ATP10B: variants seen among roughly 807,000 people sequenced by gnomAD.
ATP10B encodes ATPase phospholipid transporting 10B (putative).
ATP10B carries 122 observed loss-of-function variants against 141.2 expected under a neutral mutation model. That is an observed-to-expected ratio of 0.86 (90% CI 0.75 to 1.00). The LOEUF (loss-of-function observed/expected upper bound fraction) is 1.00. Ranked by LOEUF, ATP10B falls within the 50% of genes least tolerant of loss-of-function variation. The pLI is 0.00. For missense variants in ATP10B, 1,876 were observed against 1,825.3 expected (o/e 1.03, Z -0.51); for synonymous variants, 685 against 692.0 (o/e 0.99, Z 0.16).
At chr5:160,922,655 A>G in the ATP10B span, among the ~76,000 whole-genome samples, 1 of 152,234 alleles carries the variant, frequency 6.6e-6, no homozygotes, top group Non-Finnish European at 1.5e-5. Context: ...CAAACCAAAC[A>G]AAAACCAATC....
chr5:160,787,295 G>A (rs1219060027), intron 1 of ATP10B, among the ~76,000 whole-genome samples: 1 of 152,166 alleles, frequency 6.6e-6, no homozygotes, highest in Non-Finnish European at 1.5e-5. Context: ...TGTCTACAGG[G>A]TTCAGGCAGG....
chr5:160,693,097 T>C (rs1191775724), intron 3 of ATP10B, among the ~76,000 whole-genome samples: 1 of 151,984 alleles, frequency 6.6e-6, no homozygotes. Context: ...TTTTCAAGTG[T>C]AAATGGTCAA....
At chr5:160,882,606 C>A in the ATP10B span, among the ~76,000 whole-genome samples, 3 of 150,454 alleles carry the variant, frequency 2.0e-5, no homozygotes, top group African/African-American at 7.3e-5. Context: ...ATAAAAAAGT[C>A]ATGATTTCTT....
intron 1 of ATP10B, among the ~76,000 whole-genome samples, chr5:160,850,198 G>C (rs1285931830): frequency 6.6e-6 from 1 of 152,032 alleles, no homozygotes; most frequent in East Asian, 1.9e-4. Context: ...CTGAGGTCAG[G>C]AGTTCGAGAC....
chr5:160,656,770 T>C (rs140209725), intron 7 of ATP10B, among the ~76,000 whole-genome samples: 23 of 152,292 alleles, frequency 1.5e-4, no homozygotes, highest in African/African-American at 5.3e-4. Context: ...TTAGACCACT[T>C]TGAAATCCCT....
chr5:160,673,131 C>T (rs144184220), intron 6 of ATP10B, among the ~76,000 whole-genome samples: 1 of 152,202 alleles, frequency 6.6e-6, no homozygotes, highest in East Asian at 1.9e-4. Flanking sequence ...ACTATTGAGA[C>T]CCCTTCTGAG....
chr5:160,590,982 C>T (rs1756248481), intron 23 of ATP10B, 77 bp downstream of exon 23: 10 of 1,266,544 alleles, frequency 7.9e-6, no homozygotes, highest in Non-Finnish European at 1.1e-5. Flanking sequence ...AAGGACACTA[C>T]TGGTCTGGAA....
Position 160,603,712 on chromosome 5 carries a change from C to T in ATP10B, c.3237+253G>A, listed in dbSNP as rs1315779580. On this transcript the variant is annotated intron_variant, in intron 20 of 25. Transcript: ENST00000327245. Reference sequence around the variant, plus strand: ...ACAATTGTTAATGGCTCAAAACCCACAAAATGTCTGTTTAAATGGGAAAAT... The same window carrying T: ...ACAATTGTTAATGGCTCAAAACCCATAAAATGTCTGTTTAAATGGGAAAAT... 2.1e-5 allele frequency: 10 copies of T among 486,468 alleles called. No homozygotes were observed. In the East Asian group the frequency reaches 2.3e-4, roughly 11 times the overall value. 30.1% of individuals were successfully genotyped at this position (486,468 alleles called of 1,614,324 possible).
At chr5:160,885,333 G>C in the ATP10B span, among the ~76,000 whole-genome samples, 4 of 152,210 alleles carry the variant, frequency 2.6e-5, no homozygotes, top group Non-Finnish European at 2.9e-5. Flanking sequence ...GGCCCAGATG[G>C]GGAATGTGAA....
intron 7 of ATP10B, among the ~76,000 whole-genome samples, chr5:160,668,323 A>G (rs946067175): frequency 6.7e-6 from 1 of 149,472 alleles, no homozygotes; most frequent in African/African-American, 2.5e-5. Flanking sequence ...ACTCATTCAC[A>G]CGCATATACA....
At chr5:160,646,059 T>C (rs1262413858) in intron 8 of ATP10B, among the ~76,000 whole-genome samples, 1 of 152,206 alleles carries the variant, frequency 6.6e-6, no homozygotes, top group African/African-American at 2.4e-5. Context: ...GTCTGGGAAG[T>C]TAGTAGGATG....
chr5:160,753,148 C>T (rs1768279363), intron 2 of ATP10B, among the ~76,000 whole-genome samples: 1 of 152,160 alleles, frequency 6.6e-6, no homozygotes, highest in Non-Finnish European at 1.5e-5. Context: ...GGACCATTTT[C>T]TGAAGGAAAA....
intron 1 of ATP10B, among the ~76,000 whole-genome samples, chr5:160,825,765 C>T (rs1017248513): frequency 1.3e-5 from 2 of 152,092 alleles, no homozygotes; most frequent in African/African-American, 2.4e-5. Context: ...GAGCATAGTA[C>T]CCAATAGGTT....
intron 24 of ATP10B, among the ~76,000 whole-genome samples, chr5:160,578,043 T>C (rs1373190183): frequency 6.6e-6 from 1 of 152,160 alleles, no homozygotes; most frequent in East Asian, 1.9e-4. Context: ...TTTTGCTGGA[T>C]GAAAAAAATC....
At chr5:160,833,607 A>G (rs1775238110) in intron 1 of ATP10B, among the ~76,000 whole-genome samples, 1 of 152,194 alleles carries the variant, frequency 6.6e-6, no homozygotes. Flanking sequence ...AAAATAGTCA[A>G]TTGTAGAAGT....
At chr5:160,601,622 A>G in intron 21 of ATP10B, among the ~76,000 whole-genome samples, 1 of 152,134 alleles carries the variant, frequency 6.6e-6, no homozygotes, top group East Asian at 1.9e-4. Flanking sequence ...AGAATACACA[A>G]CTTATTGTTT....
chr5:160,922,811 A>G, the ATP10B span, among the ~76,000 whole-genome samples: 1 of 151,936 alleles, frequency 6.6e-6, no homozygotes, highest in Non-Finnish European at 1.5e-5. Flanking sequence ...AGATCCTTGC[A>G]CTCTCGGGCT....
At chr5:160,880,972 C>T in the ATP10B span, among the ~76,000 whole-genome samples, 27 of 152,092 alleles carry the variant, frequency 1.8e-4, no homozygotes, top group East Asian at 4.1e-3. Flanking sequence ...TTCTGCTCTC[C>T]GAAAGACAAC....
At chr5:160,777,978 A>T (rs1770456413) in intron 2 of ATP10B, among the ~76,000 whole-genome samples, 1 of 152,156 alleles carries the variant, frequency 6.6e-6, no homozygotes, top group African/African-American at 2.4e-5. Flanking sequence ...TAGGTTATAA[A>T]AAAAATAAGG....
Sources: allele counts gnomAD v4.1 joint callset (sites outside exome capture counted in the v4.1 genomes callset), GRCh38; gene constraint gnomAD v4.1.1; transcripts MANE v1.5; gene names NCBI Gene and HGNC (gene_info 2026-07-23, HGNC 2026-07-21).